Variants in KIRREL1 observed in about 807,000 individuals in gnomAD.
The protein encoded by KIRREL1 is kirre like nephrin family adhesion molecule 1, also known as kin of IRRE-like protein 1.
KIRREL1 carries 25 observed loss-of-function variants against 83.3 expected under a neutral mutation model. The observed-to-expected ratio is 0.30, with a 90% CI of 0.22 to 0.42. The LOEUF (loss-of-function observed/expected upper bound fraction) is 0.42, where lower values mean the gene tolerates loss of function less well. Ranked by LOEUF, KIRREL1 falls within the 10% of genes least tolerant of loss-of-function variation. The probability of loss-of-function intolerance (pLI) is 1.00; values close to 1 mark genes in which losing one functional copy is unlikely to be tolerated. For synonymous variants in KIRREL1, 388 were observed against 410.4 expected (o/e 0.95, Z 0.66); for missense variants, 812 against 1,032.3 (o/e 0.79, Z 2.92).
chr1:158,065,245 T>C (rs921812571), intron 1 of KIRREL1, among the ~76,000 whole-genome samples: 29 of 152,186 alleles, frequency 1.9e-4, no homozygotes, highest in Non-Finnish European at 1.5e-5. Context: ...CCTGCATTTC[T>C]TCCTGGGCTT....
chr1:158,091,585 G>T (rs369925970), intron 11 of KIRREL1, 29 bp downstream of exon 11: 1 of 1,608,102 alleles, frequency 6.2e-7, no homozygotes, highest in African/African-American at 1.3e-5. Context: ...TGCCAGCTGG[G>T]GTGCAGAGCA....
chr1:158,018,600 G>A lies in KIRREL1; in HGVS notation c.52+24872G>A, dbSNP rs369000021. 7.2e-4 allele frequency among the ~76,000 whole-genome samples: 109 copies of A among 152,256 alleles called. No homozygotes were observed. In the Middle Eastern group the frequency reaches 0.014, roughly 19 times the overall value. On this transcript the variant is annotated intron_variant, in intron 1 of 14. Coordinates refer to ENST00000359209, the MANE Select transcript of KIRREL1 (RefSeq NM_018240.7). ...GATGTCCCTTGATTGGAGGAAGGGCGAAAGCAAAAAGTAGCATGGGGCATT... is the reference window on the plus strand; with the variant it reads ...GATGTCCCTTGATTGGAGGAAGGGCAAAAGCAAAAAGTAGCATGGGGCATT...
chr1:158,076,082 A>G (rs753963750), intron 1 of KIRREL1, 31 bp from the exon 2 acceptor site: 2 of 1,606,694 alleles, frequency 1.2e-6, no homozygotes, highest in South Asian at 1.1e-5. Flanking sequence ...CTCCTTACTC[A>G]TCTTACCCAG....
At chr1:158,063,762 C>T (rs1661280898) in intron 1 of KIRREL1, among the ~76,000 whole-genome samples, 1 of 152,234 alleles carries the variant, frequency 6.6e-6, no homozygotes, top group South Asian at 2.1e-4. Flanking sequence ...ACCAGGAAAA[C>T]TCCTACTCAT....
chr1:158,036,227 C>A (rs559092580), intron 1 of KIRREL1, among the ~76,000 whole-genome samples: 7 of 152,264 alleles, frequency 4.6e-5, no homozygotes, highest in African/African-American at 1.7e-4. Flanking sequence ...TTTATTTATT[C>A]ATTTATTCAT....
At chr1:158,093,507 C>A (rs1008316446) in intron 12 of KIRREL1, 61 bp downstream of exon 12, 1 of 1,603,076 alleles carries the variant, frequency 6.2e-7, no homozygotes, top group African/African-American at 1.3e-5. Context: ...CCATGACAGG[C>A]AGTGCTTGGG....
In KIRREL1 at chr1:158,072,635, T is replaced by C. The variant is rs1056214264; in HGVS notation, c.53-3478T>C. On this transcript the variant is annotated intron_variant, in intron 1 of 14. Coordinates refer to ENST00000359209, the MANE Select transcript of KIRREL1 (RefSeq NM_018240.7). ...CCAGGGAAAGGCCTGTGCAAGGGCATGAAGAGGTGACAAAGGCCTCCTCTC... is the reference window on the plus strand; with the variant it reads ...CCAGGGAAAGGCCTGTGCAAGGGCACGAAGAGGTGACAAAGGCCTCCTCTC... Among the ~76,000 whole-genome samples the C allele has an allele frequency of 4.6e-5, 7 of 151,648 alleles. No individual in the cohort carries two copies. The East Asian group carries it at 1.4e-3, about 30-fold the overall frequency.
At chr1:158,036,305 A>G (rs1010685602) in intron 1 of KIRREL1, among the ~76,000 whole-genome samples, 1 of 152,114 alleles carries the variant, frequency 6.6e-6, no homozygotes, top group Non-Finnish European at 1.5e-5. Flanking sequence ...ACTGCAACGA[A>G]CTTGTAGCAC....
At chr1:158,061,469 G>T (rs910536042) in intron 1 of KIRREL1, among the ~76,000 whole-genome samples, 8 of 152,082 alleles carry the variant, frequency 5.3e-5, no homozygotes, top group African/African-American at 1.9e-4. Context: ...AAGAGTGTGA[G>T]AGAAGAGGCA....
At chr1:158,087,716 G>A in intron 5 of KIRREL1, 39 bp from the exon 6 acceptor site, 1 of 1,476,678 alleles carries the variant, frequency 6.8e-7, no homozygotes, top group South Asian at 1.2e-5. Flanking sequence ...AAACTCAAGG[G>A]ACAGAAAAGA....
At chr1:158,023,934 G>A (rs1327219429) in intron 1 of KIRREL1, among the ~76,000 whole-genome samples, 1 of 152,096 alleles carries the variant, frequency 6.6e-6, no homozygotes, top group Non-Finnish European at 1.5e-5. Flanking sequence ...GAGACACAGG[G>A]TTTTTATTGT....
rs527893096 is a variant in KIRREL1, at chr1:158,019,750, C to T, written c.52+26022C>T. 1.1e-3 allele frequency among the ~76,000 whole-genome samples: 160 copies of T among 152,254 alleles called. 1 individual carries two copies. Among genetic ancestry groups the T allele is most frequent in the Non-Finnish European group, 2.1e-3 (143 of 68,022 alleles). On this transcript the variant is annotated intron_variant, in intron 1 of 14. Transcript: ENST00000359209. ...TTAACCGCAGAGCAAGAGAAAGAGG[C>T]AGGAGAGGCAGAGAACTGCCTTCTC...
intron 1 of KIRREL1, among the ~76,000 whole-genome samples, chr1:158,054,945 G>A (rs1477462201): frequency 6.6e-6 from 1 of 152,118 alleles, no homozygotes; most frequent in Non-Finnish European, 1.5e-5. Flanking sequence ...AGGTGACTGG[G>A]CGGTGCATTT....
chr1:158,077,952 T>C, intron 2 of KIRREL1, 39 bp from the exon 3 acceptor site: 1 of 1,610,178 alleles, frequency 6.2e-7, no homozygotes, highest in Non-Finnish European at 8.5e-7. Context: ...GGATGTGTCC[T>C]TGTTTCAAGG....
chr1:158,013,989 C>T (rs78790559), intron 1 of KIRREL1, among the ~76,000 whole-genome samples: 4,601 of 152,278 alleles, frequency 0.03, 107 homozygotes, highest in African/African-American at 0.056. Flanking sequence ...CCTCTGCCCC[C>T]ATCCCTCCTA....
intron 1 of KIRREL1, among the ~76,000 whole-genome samples, chr1:158,025,112 T>C (rs976994668): frequency 1.8e-4 from 27 of 152,162 alleles, no homozygotes; most frequent in African/African-American, 6.5e-4. Context: ...GGGTCTCACA[T>C]TCTGGACTAA....
chr1:158,062,697 G>A (rs890645261), intron 1 of KIRREL1, among the ~76,000 whole-genome samples: 1 of 152,240 alleles, frequency 6.6e-6, no homozygotes. Context: ...AAGGACACAT[G>A]TGTCCCCCCT....
rs750482066 is a variant in KIRREL1, at chr1:158,088,417, C to G, written c.1007C>G (p.Pro336Arg). Reference sequence around the variant, plus strand: ...ACCTGTGTCTGGGTTGGGAATCCCCCCCTCACTCTCACCTGGACCAAAAAG... The same window carrying G: ...ACCTGTGTCTGGGTTGGGAATCCCCGCCTCACTCTCACCTGGACCAAAAAG... ...TLTCVWVGNP[P>R]LTLTWTKKDS... The change falls in exon 8 of 15, where the codon CCC becomes CGC. Residue 336 changes from proline (P) to arginine (R), a missense_variant. Coordinates refer to ENST00000359209, the MANE Select transcript of KIRREL1 (RefSeq NM_018240.7). 6.4e-6 allele frequency: 10 copies of G among 1,571,222 alleles called. No individual in the cohort carries two copies. The Admixed American group carries it at 8.3e-5, about 13-fold the overall frequency.
intron 2 of KIRREL1, among the ~76,000 whole-genome samples, chr1:158,076,485 A>AG (rs1661686645): frequency 6.6e-6 from 1 of 152,194 alleles, no homozygotes; most frequent in Non-Finnish European, 1.5e-5. Flanking sequence ...GGCAGTACGA[A>AG]GCCTGAGAGG....
Sources: gnomAD v4.1 joint callset for allele counts (sites outside exome capture counted in the v4.1 genomes callset) on GRCh38, gnomAD v4.1.1 for gene constraint, MANE v1.5 for transcripts, NCBI Gene and HGNC (gene_info 2026-07-23, HGNC 2026-07-21) for gene names.